CRPPA: variants seen among roughly 807,000 people sequenced by gnomAD.
CRPPA encodes the protein D-ribitol-5-phosphate cytidylyltransferase.
CRPPA carries 43 observed loss-of-function variants against 52.0 expected under a neutral mutation model. The observed-to-expected ratio is 0.83, with a 90% CI of 0.65 to 1.07. CRPPA has a LOEUF of 1.07. Ranked by LOEUF, CRPPA falls within the 50% of genes least tolerant of loss-of-function variation. CRPPA has a pLI of 0.00. For synonymous variants in CRPPA, 250 were observed against 203.5 expected, an observed-to-expected ratio of 1.23 and a Z score of -1.94; for missense variants, 629 against 551.7, an observed-to-expected ratio of 1.14 and a Z score of -1.40.
intron 1 of CRPPA, among the ~76,000 whole-genome samples, chr7:16,411,354 G>T (rs1203614592): frequency 2.0e-5 from 3 of 152,054 alleles, no homozygotes; most frequent in African/African-American, 7.3e-5. Context: ...CTGAGAGGAA[G>T]GTGAAAAATC....
chr7:16,389,426 TC>T (rs2128314515), intron 2 of CRPPA, among the ~76,000 whole-genome samples: 1 of 152,116 alleles, frequency 6.6e-6, no homozygotes, highest in South Asian at 2.1e-4. Context: ...GTGGGATTTA[TC>T]CCAGGAATAC....
At chr7:16,210,165 T>A (rs913955253) in intron 9 of CRPPA, among the ~76,000 whole-genome samples, 1 of 152,202 alleles carries the variant, frequency 6.6e-6, no homozygotes, top group Non-Finnish European at 1.5e-5. Context: ...TGTGTATGGA[T>A]AGATACATGT....
In CRPPA at chr7:16,210,130, A is replaced by C. The variant is rs17169350; in HGVS notation, c.1251+5936T>G. Among the ~76,000 whole-genome samples, 708 of 152,338 alleles carry C rather than the reference A, an allele frequency of 4.6e-3. 10 individuals carry two copies. The highest frequency in any genetic ancestry group is 0.029 in the East Asian group (152 of 5,186). Reference sequence around the variant, plus strand: ...CAGATATTATCACTCTACATGCAATAAAAAAGCATATACATATATACATGT... The same window carrying C: ...CAGATATTATCACTCTACATGCAATCAAAAAGCATATACATATATACATGT... On this transcript the variant is annotated intron_variant, in intron 9 of 9. Transcript: ENST00000407010.
At chr7:16,232,760 A>G (rs1183676869) in intron 8 of CRPPA, among the ~76,000 whole-genome samples, 1 of 152,188 alleles carries the variant, frequency 6.6e-6, no homozygotes, top group African/African-American at 2.4e-5. Context: ...AACAAAGCTC[A>G]TATTTATAAG....
intron 9 of CRPPA, among the ~76,000 whole-genome samples, chr7:16,204,424 G>A (rs1036523427): frequency 6.6e-6 from 1 of 152,072 alleles, no homozygotes; most frequent in Non-Finnish European, 1.5e-5. Flanking sequence ...TAAATAACGT[G>A]TACACATGAA....
At chr7:16,417,764 T>C (rs1788230269) in intron 1 of CRPPA, among the ~76,000 whole-genome samples, 1 of 152,032 alleles carries the variant, frequency 6.6e-6, no homozygotes, top group South Asian at 2.1e-4. Context: ...TACACACACA[T>C]TCCCTCTGAA....
chr7:16,210,888 T>C (rs979874188), intron 9 of CRPPA, among the ~76,000 whole-genome samples: 1 of 150,408 alleles, frequency 6.6e-6, no homozygotes, highest in Admixed American at 6.6e-5. Flanking sequence ...TACTGTCAGA[T>C]AGAAATAAAA....
chr7:16,239,863 T>C (rs763409682), intron 8 of CRPPA, among the ~76,000 whole-genome samples: 9 of 152,176 alleles, frequency 5.9e-5, no homozygotes, highest in Non-Finnish European at 1.3e-4. Flanking sequence ...CTATGCTTAA[T>C]CAAGAAAAAT....
intron 2 of CRPPA, among the ~76,000 whole-genome samples, chr7:16,403,234 A>T (rs1207857485): frequency 6.6e-6 from 1 of 152,186 alleles, no homozygotes; most frequent in Non-Finnish European, 1.5e-5. Context: ...TTTGCTCCCG[A>T]ACTTATGGAA....
chr7:16,393,241 G>A (rs1787486942), intron 2 of CRPPA, among the ~76,000 whole-genome samples: 1 of 152,090 alleles, frequency 6.6e-6, no homozygotes, highest in South Asian at 2.1e-4. Context: ...AGTTTAGAAT[G>A]CATATATACA....
chr7:16,196,955 G>A (rs886349779), intron 9 of CRPPA, among the ~76,000 whole-genome samples: 6 of 151,640 alleles, frequency 4.0e-5, no homozygotes, highest in African/African-American at 9.7e-5. Context: ...AAATGCTGAC[G>A]CTCATGTTTT....
chr7:16,353,020 G>A (rs2128308086), intron 3 of CRPPA, among the ~76,000 whole-genome samples: 1 of 152,188 alleles, frequency 6.6e-6, no homozygotes, highest in Admixed American at 6.5e-5. Flanking sequence ...AAATAAGACA[G>A]GGACAGAGAC....
At chr7:16,273,168 C>A (rs189932087) in intron 6 of CRPPA, among the ~76,000 whole-genome samples, 1 of 140,696 alleles carries the variant, frequency 7.1e-6, no homozygotes, top group Non-Finnish European at 1.5e-5. Flanking sequence ...AGTACTGATA[C>A]AAACAGGAGA....
chr7:16,193,666 T>C (rs1781663382), intron 9 of CRPPA, among the ~76,000 whole-genome samples: 1 of 152,150 alleles, frequency 6.6e-6, no homozygotes, highest in Non-Finnish European at 1.5e-5. Context: ...TAAATGTCAA[T>C]TTTATCTGTG....
At position 16,301,400 on chromosome 7, in the gene CRPPA, C is replaced by G. The variant is rs1390944275; in HGVS notation, c.835+21G>C. The G allele has an allele frequency of 3.7e-6, 6 of 1,602,694 alleles. No individual in the cohort carries two copies. In the East Asian group the frequency reaches 1.3e-4, roughly 36 times the overall value. On this transcript the variant is annotated intron_variant, in intron 5 of 9. Transcript: ENST00000407010. ...TACATTTTTGAAACACAGGAACTGACAGTCATAAGGCCAAACATACCCTTA... is the reference window on the plus strand; with the variant it reads ...TACATTTTTGAAACACAGGAACTGAGAGTCATAAGGCCAAACATACCCTTA...
chr7:16,399,476 C>G (rs192440588), intron 2 of CRPPA, among the ~76,000 whole-genome samples: 1 of 150,186 alleles, frequency 6.7e-6, no homozygotes, highest in South Asian at 2.1e-4. Flanking sequence ...ATTGACAAGA[C>G]GTTTGATCAA....
At chr7:16,216,566 G>C (rs542489498) in intron 8 of CRPPA, 1 of 216,272 alleles carries the variant, frequency 4.6e-6, no homozygotes. Flanking sequence ...GACAGTGGGC[G>C]CAGGTCAGTG....
chr7:16,332,073 G>T lies in CRPPA; in HGVS notation c.685-23446C>A, dbSNP rs568598598. Among the ~76,000 whole-genome samples the T allele has an allele frequency of 5.9e-5, 9 of 152,214 alleles. 1 individual carries two copies. In the South Asian group the frequency reaches 1.7e-3, roughly 28 times the overall value. On this transcript the variant is annotated intron_variant, in intron 3 of 9. Coordinates refer to ENST00000407010, the MANE Select transcript of CRPPA (RefSeq NM_001101426.4). ...ACAGAAAATCAGAAAGAAGCCAGGG[G>T]AATCAACACCTTACCTATAGAAGGG...
chr7:16,220,887 T>A (rs534157434), intron 8 of CRPPA, among the ~76,000 whole-genome samples: 3 of 152,166 alleles, frequency 2.0e-5, no homozygotes, highest in South Asian at 2.1e-4. Context: ...ATTTACAGAT[T>A]CAATGCCATC....
Sources: gnomAD v4.1 joint callset for allele counts (sites outside exome capture counted in the v4.1 genomes callset) on GRCh38, gnomAD v4.1.1 for gene constraint, MANE v1.5 for transcripts, NCBI Gene and HGNC (gene_info 2026-07-23, HGNC 2026-07-21) for gene names.